Variants in ZNF134 observed in about 807,000 individuals in gnomAD.
The protein encoded by ZNF134 is zinc finger protein 134.
ZNF134 carries 5 observed loss-of-function variants against 2.5 expected under a neutral mutation model. The ratio of observed to expected loss-of-function variants is 2.03; its 90% CI spans 1.06 to 4.27. The LOEUF (loss-of-function observed/expected upper bound fraction) is 4.27. ZNF134 is among the 30% of genes most tolerant of loss of function. The probability of loss-of-function intolerance (pLI) is 0.00; values close to 1 mark genes in which losing one functional copy is unlikely to be tolerated. For synonymous variants in ZNF134, 176 were observed against 176.2 expected (o/e 1.00, Z 0.01); for missense variants, 540 against 517.5 (o/e 1.04, Z -0.42).
At chr19:57,617,033 C>T (rs1010566665) in intron 1 of ZNF134, among the ~76,000 whole-genome samples, 1 of 152,154 alleles carries the variant, frequency 6.6e-6, no homozygotes, top group Non-Finnish European at 1.5e-5. Context: ...GGCATAGGAA[C>T]CAGCATGTGC....
At chr19:57,615,414 C>G (rs562567235) in intron 1 of ZNF134, among the ~76,000 whole-genome samples, 5 of 151,988 alleles carry the variant, frequency 3.3e-5, no homozygotes, top group Admixed American at 1.3e-4. Flanking sequence ...GGGGTGGACA[C>G]TTAAGATTCC....
At position 57,621,518 on chromosome 19, in the gene ZNF134, T is replaced by C. The variant is rs953363020; in HGVS notation, c.*115T>C. 2 of 1,518,130 alleles carry C rather than the reference T, an allele frequency of 1.3e-6. No individual in the cohort carries two copies. The highest frequency in any genetic ancestry group is 1.4e-5 in the African/African-American group (1 of 73,262). The allele number at this position is 1,518,130 out of a possible 1,614,324, so 94.0% of individuals were successfully genotyped here. A position where few individuals can be genotyped will look rare whatever the true frequency, so the allele number is the denominator to read the frequency against. ...GGTACGTGGGAACCTTCTAGGGATA[T>C]GTTGCACTTTCTGACTTGCTCAGGT... On this transcript the variant is annotated 3_prime_UTR_variant, in exon 3 of 3. Transcript: ENST00000396161.
rs1328293818 is a variant in ZNF134, at chr19:57,621,856, T to G, written c.*453T>G. The G allele has an allele frequency of 6.7e-6, 2 of 298,240 alleles. No homozygotes were observed. Among genetic ancestry groups the G allele is most frequent in the African/African-American group, 4.3e-5 (2 of 46,160 alleles). 18.5% of individuals were successfully genotyped at this position (298,240 alleles called of 1,614,324 possible). On this transcript the variant is annotated 3_prime_UTR_variant, in exon 3 of 3. Coordinates refer to ENST00000396161, the MANE Select transcript of ZNF134 (RefSeq NM_003435.5). ...AAGTTTTTCCAGCCTCCAAGTCACC[T>G]GGCCTGGGAAAGTACTTGCCTCATG...
rs1413559750 is a variant in ZNF134 at position 57,621,152 on chromosome 19, G to A, written c.1033G>A (p.Glu345Lys). The change falls in exon 3 of 3, where the codon GAG (glutamate) becomes AAG (lysine). Residue 345 changes from glutamate (E) to lysine (K), a missense_variant. Coordinates refer to ENST00000396161, the MANE Select transcript of ZNF134 (RefSeq NM_003435.5). ...AATTCACACTGAGTCAAAGCCGTTT[G>A]AGTGCATTGAATGCGGGAAATTCTT... ...QRIHTESKPFECIECGKFFSR... is the reference protein window; with the variant it reads ...QRIHTESKPFKCIECGKFFSR... 3 of 1,614,120 alleles carry A rather than the reference G, an allele frequency of 1.9e-6. No homozygotes were observed. The highest frequency in any genetic ancestry group is 3.3e-5 in the Admixed American group (2 of 60,010).
Position 57,619,413 on chromosome 19 carries a change from TC to T in ZNF134, c.-54del, listed in dbSNP as rs1237049888. The T allele has an allele frequency of 1.2e-5, 19 of 1,569,794 alleles. No individual in the cohort carries two copies. The highest frequency in any genetic ancestry group is 1.6e-5 in the Non-Finnish European group (18 of 1,155,748). ...TCCCCTATGCTTTGTATCTTCCAGA[TC>T]CTCTGTGGTTGTTGAATTGTAACAA... On this transcript the variant is annotated splice_region_variant and 5_prime_UTR_variant, in exon 2 of 3. The change abolishes the stop of an existing upstream ORF in the 5' untranslated region. Coordinates refer to ENST00000396161, the MANE Select transcript of ZNF134 (RefSeq NM_003435.5).
rs769691646 is a variant in ZNF134, at chr19:57,623,839, ATGT to A, written c.*2440_*2442del. 8.5e-5 allele frequency: 13 copies of A among 152,320 alleles called. No individual in the cohort carries two copies. Among genetic ancestry groups the A allele is most frequent in the South Asian group, 2.1e-4 (1 of 4,830 alleles). The allele number at this position is 152,320 out of a possible 1,614,324, so 9.4% of individuals were successfully genotyped here. A position where few individuals can be genotyped will look rare whatever the true frequency, so the allele number is the denominator to read the frequency against. ...ATAATCTGCATAAACCTCTTTTCTA[ATGT>A]TGTGAATTTCAGTGATGTACAGGAG... is the stretch of plus-strand genomic sequence containing the variant. On this transcript the variant is annotated 3_prime_UTR_variant, in exon 3 of 3. Coordinates refer to ENST00000396161, the MANE Select transcript of ZNF134 (RefSeq NM_003435.5).
At position 57,622,652 on chromosome 19, in the gene ZNF134, A is replaced by T. The variant is rs1213501301; in HGVS notation, c.*1249A>T. ...GGCACAGGCGGTAACCCTGGGAGTA[A>T]AGAGGTGTGGTCCAAGGAAGTAGCT... On this transcript the variant is annotated 3_prime_UTR_variant, in exon 3 of 3. Coordinates refer to ENST00000396161, the MANE Select transcript of ZNF134 (RefSeq NM_003435.5). 6.6e-6 allele frequency: 1 copy of T among 152,090 alleles called. No homozygotes were observed. The highest frequency in any genetic ancestry group is 1.5e-5 in the Non-Finnish European group (1 of 68,014). 9.4% of individuals were successfully genotyped at this position (152,090 alleles called of 1,614,324 possible).
chr19:57,614,944 C>A (rs927702890), intron 1 of ZNF134, among the ~76,000 whole-genome samples: 2 of 152,010 alleles, frequency 1.3e-5, no homozygotes, highest in African/African-American at 4.8e-5. Flanking sequence ...GCGGTGGTGG[C>A]TGGGCCAGAG....
chr19:57,622,987 AC>A lies in ZNF134; in HGVS notation c.*1585del, dbSNP rs1188402579. 1 of 145,998 alleles carries A rather than the reference AC, an allele frequency of 6.8e-6. No homozygotes were observed. The highest frequency in any genetic ancestry group is 2.6e-5 in the African/African-American group (1 of 38,386). The allele number at this position is 145,998 out of a possible 1,614,324, so 9.0% of individuals were successfully genotyped here. A position where few individuals can be genotyped will look rare whatever the true frequency, so the allele number is the denominator to read the frequency against. On this transcript the variant is annotated 3_prime_UTR_variant, in exon 3 of 3. Transcript: ENST00000396161. ...CACACACACACACACACACACACACACACACACACTTGAAACTATCACCCTA... is the reference window on the plus strand; with the variant it reads ...CACACACACACACACACACACACACAACACACACTTGAAACTATCACCCTA...
intron 1 of ZNF134, among the ~76,000 whole-genome samples, chr19:57,617,800 T>A (rs1247482098): frequency 6.6e-6 from 1 of 151,624 alleles, no homozygotes; most frequent in Non-Finnish European, 1.5e-5. Context: ...CATCTTAGAG[T>A]CTAGAAGAGG....
chr19:57,619,412 A>G lies in ZNF134; in HGVS notation c.-57A>G. The G allele has an allele frequency of 1.9e-6, 3 of 1,569,296 alleles. No homozygotes were observed. Among genetic ancestry groups the G allele is most frequent in the Non-Finnish European group, 2.6e-6 (3 of 1,155,524 alleles). On this transcript the variant is annotated splice_region_variant and 5_prime_UTR_variant, in exon 2 of 3. Coordinates refer to ENST00000396161, the MANE Select transcript of ZNF134 (RefSeq NM_003435.5). ...TTCCCCTATGCTTTGTATCTTCCAG[A>G]TCCTCTGTGGTTGTTGAATTGTAAC...
chr19:57,620,823 G>A lies in ZNF134; in HGVS notation c.704G>A (p.Ser235Asn), dbSNP rs1981190147. The change falls in exon 3 of 3, where the codon AGC becomes AAC. Residue 235 changes from serine (S) to asparagine (N), a missense_variant. Physicochemically the swap from Ser to Asn is conservative, Grantham distance 46. Coordinates refer to ENST00000396161, the MANE Select transcript of ZNF134 (RefSeq NM_003435.5). ...IHTGERPYEC[S>N]ECGKTFSRKD... ...ACTGGAGAAAGGCCTTATGAATGCA[G>A]CGAATGTGGAAAAACCTTCAGTCGA... 1.2e-6 allele frequency: 2 copies of A among 1,614,216 alleles called. No individual in the cohort carries two copies. The highest frequency in any genetic ancestry group is 4.5e-5 in the East Asian group (2 of 44,884).
At chr19:57,615,757 C>T (rs1021949819) in intron 1 of ZNF134, among the ~76,000 whole-genome samples, 7 of 152,086 alleles carry the variant, frequency 4.6e-5, no homozygotes, top group African/African-American at 1.7e-4. Flanking sequence ...AGGTGAGTTA[C>T]AGTGGTGGGA....
rs1981217955 is a variant in ZNF134 at position 57,621,436 on chromosome 19, A to G, written c.*33A>G. 1.9e-6 allele frequency: 3 copies of G among 1,608,056 alleles called. No individual in the cohort carries two copies. The highest frequency in any genetic ancestry group is 2.5e-6 in the Non-Finnish European group (3 of 1,179,948). Reference sequence around the variant, plus strand: ...TTGAATACAACAGGACTCATCAATCAGATGTTGAATTTCATGTATCTGAAC... The same window carrying G: ...TTGAATACAACAGGACTCATCAATCGGATGTTGAATTTCATGTATCTGAAC... On this transcript the variant is annotated 3_prime_UTR_variant, in exon 3 of 3. Transcript: ENST00000396161.
chr19:57,622,023 A>G lies in ZNF134; in HGVS notation c.*620A>G, dbSNP rs1287475994. 5.8e-6 allele frequency: 1 copy of G among 171,384 alleles called. No homozygotes were observed. The highest frequency in any genetic ancestry group is 1.3e-5 in the Non-Finnish European group (1 of 77,962). The allele number at this position is 171,384 out of a possible 1,614,324, so 10.6% of individuals were successfully genotyped here. A position where few individuals can be genotyped will look rare whatever the true frequency, so the allele number is the denominator to read the frequency against. On this transcript the variant is annotated 3_prime_UTR_variant, in exon 3 of 3. Transcript: ENST00000396161. ...TGTGCGGTGCCTCCAACTTTGCCTC[A>G]AATGGGACAGTGGGTTGAGGGAGAA...
In ZNF134 at chr19:57,621,122, C is replaced by A. The variant is rs538568581; in HGVS notation, c.1003C>A (p.Gln335Lys). ...FGHKYTLIKH[Q>K]RIHTESKPFE... ...CCACAAATACACCCTCATTAAACATCAGCGAATTCACACTGAGTCAAAGCC... is the reference window on the plus strand; with the variant it reads ...CCACAAATACACCCTCATTAAACATAAGCGAATTCACACTGAGTCAAAGCC... The change falls in exon 3 of 3, where the codon CAG becomes AAG. Residue 335 changes from glutamine (Q) to lysine (K), a missense_variant. Coordinates refer to ENST00000396161, the MANE Select transcript of ZNF134 (RefSeq NM_003435.5). The A allele has an allele frequency of 6.2e-7, 1 of 1,614,234 alleles. No homozygotes were observed. The highest frequency in any genetic ancestry group is 1.1e-5 in the South Asian group (1 of 91,082).
chr19:57,621,679 T>A lies in ZNF134; in HGVS notation c.*276T>A, dbSNP rs939595892. On this transcript the variant is annotated 3_prime_UTR_variant, in exon 3 of 3. Transcript: ENST00000396161. The stretch of plus-strand genomic sequence containing the variant: ...TGGAGAAAATCATGAAATGCCTGAG[T>A]TCATTGGGGGTCCTCATTCCCTTCT... 12 of 582,708 alleles carry A rather than the reference T, an allele frequency of 2.1e-5. No homozygotes were observed. The allele number at this position is 582,708 out of a possible 1,614,324, so 36.1% of individuals were successfully genotyped here.
rs980564940 is a variant in ZNF134, at chr19:57,624,182, T to G, written c.*2779T>G. On this transcript the variant is annotated 3_prime_UTR_variant, in exon 3 of 3. Coordinates refer to ENST00000396161, the MANE Select transcript of ZNF134 (RefSeq NM_003435.5). ...TCTTGGGATTGGTGGTTCCATTTTT[T>G]TTGTTTTCCCCCCTTCCATTTCCTC... The G allele has an allele frequency of 6.6e-6, 1 of 152,500 alleles. No individual in the cohort carries two copies. The highest frequency in any genetic ancestry group is 2.4e-5 in the African/African-American group (1 of 41,454). 9.4% of individuals were successfully genotyped at this position (152,500 alleles called of 1,614,324 possible).
At position 57,622,306 on chromosome 19, in the gene ZNF134, G is replaced by C. The variant is rs187446163; in HGVS notation, c.*903G>C. ...GCTGTTCCTCAGGACCTGCTGAGTG[G>C]CCATATTCCCTGAAGGCCTGAATCT... On this transcript the variant is annotated 3_prime_UTR_variant, in exon 3 of 3. Transcript: ENST00000396161. 1 of 152,318 alleles carries C rather than the reference G, an allele frequency of 6.6e-6. No individual in the cohort carries two copies. The highest frequency in any genetic ancestry group is 2.4e-5 in the African/African-American group (1 of 41,532). 9.4% of individuals were successfully genotyped at this position (152,318 alleles called of 1,614,324 possible). A position where few individuals can be genotyped will look rare whatever the true frequency, so the allele number is the denominator to read the frequency against.
Sources: gnomAD v4.1 joint callset for allele counts (sites outside exome capture counted in the v4.1 genomes callset) on GRCh38, gnomAD v4.1.1 for gene constraint, MANE v1.5 for transcripts, NCBI Gene and HGNC (gene_info 2026-07-23, HGNC 2026-07-21) for gene names.